SPOCK1: variants seen among roughly 807,000 people sequenced by gnomAD.
The protein encoded by SPOCK1 is SPARC (osteonectin), cwcv and kazal like domains proteoglycan 1.
Under a neutral mutation model 55.3 loss-of-function variants are expected in SPOCK1, and 23 were observed. The ratio of observed to expected loss-of-function variants is 0.42; its 90% CI spans 0.30 to 0.59. The LOEUF (loss-of-function observed/expected upper bound fraction) is 0.59, where lower values mean the gene tolerates loss of function less well. Ranked by LOEUF, SPOCK1 falls within the 20% of genes least tolerant of loss-of-function variation. The probability of loss-of-function intolerance (pLI) is 0.22; values close to 1 mark genes in which losing one functional copy is unlikely to be tolerated. For missense variants in SPOCK1, 499 were observed against 552.5 expected, an observed-to-expected ratio of 0.90 and a Z score of 0.97; for synonymous variants, 226 against 221.0, an observed-to-expected ratio of 1.02 and a Z score of -0.20.
intron 6 of SPOCK1, among the ~76,000 whole-genome samples, chr5:137,059,888 C>T (rs550743526): frequency 3.3e-5 from 5 of 152,176 alleles, no homozygotes; most frequent in African/African-American, 7.2e-5. Flanking sequence ...CATATCAAAA[C>T]GACAATGAAA....
chr5:137,027,543 GTGTGACCAAGGAATTGAGCTTT>G (rs543259770), intron 6 of SPOCK1, among the ~76,000 whole-genome samples: 69 of 152,308 alleles, frequency 4.5e-4, no homozygotes, highest in African/African-American at 1.6e-3. Flanking sequence ...AATGCGGCTA[GTGTGACCAAGGAATTGAGCTTT>G]TAGTTTTATT....
At chr5:137,225,181 A>G (rs1755921960) in intron 3 of SPOCK1, among the ~76,000 whole-genome samples, 1 of 152,006 alleles carries the variant, frequency 6.6e-6, no homozygotes, top group South Asian at 2.1e-4. Context: ...GCAGAGAATG[A>G]CAAGAATTAG....
chr5:137,025,785 A>T (rs1004646177), intron 6 of SPOCK1, among the ~76,000 whole-genome samples: 3 of 152,196 alleles, frequency 2.0e-5, no homozygotes, highest in African/African-American at 7.2e-5. Flanking sequence ...TACAGATGAG[A>T]TAGGTGAGAT....
At chr5:137,247,499 T>A (rs1028145661) in intron 3 of SPOCK1, among the ~76,000 whole-genome samples, 1 of 152,198 alleles carries the variant, frequency 6.6e-6, no homozygotes, top group African/African-American at 2.4e-5. Context: ...GTATCCATAA[T>A]CAACCATAGT....
chr5:137,200,192 G>C (rs1755399861), intron 3 of SPOCK1, among the ~76,000 whole-genome samples: 1 of 152,114 alleles, frequency 6.6e-6, no homozygotes, highest in Non-Finnish European at 1.5e-5. Context: ...CCCTCCACCA[G>C]ATGTCCCTGT....
intron 8 of SPOCK1, among the ~76,000 whole-genome samples, chr5:136,986,449 C>T (rs930305034): frequency 2.6e-5 from 4 of 152,032 alleles, no homozygotes; most frequent in Non-Finnish European, 5.9e-5. Flanking sequence ...ATTTACACTA[C>T]TAAAATTTTT....
At chr5:137,019,376 C>T (rs986300903) in intron 6 of SPOCK1, among the ~76,000 whole-genome samples, 2 of 152,092 alleles carry the variant, frequency 1.3e-5, no homozygotes, top group African/African-American at 4.8e-5. Flanking sequence ...TCATGTTATA[C>T]ATACAGTTTA....
Position 137,029,266 on chromosome 5 carries a change from A to T in SPOCK1, c.590-36666T>A, listed in dbSNP as rs1751733130. 3.9e-5 allele frequency among the ~76,000 whole-genome samples: 6 copies of T among 152,176 alleles called. 1 individual carries two copies. The highest frequency in any genetic ancestry group is 3.9e-4 in the Admixed American group (6 of 15,280). ...GAGACTGAGCCACTCTCAATGTAAAACTAAAATCAAGTTTCAGATCTGTAA... is the reference window on the plus strand; with the variant it reads ...GAGACTGAGCCACTCTCAATGTAAATCTAAAATCAAGTTTCAGATCTGTAA... On this transcript the variant is annotated intron_variant, in intron 6 of 10. Coordinates refer to ENST00000394945, the MANE Select transcript of SPOCK1 (RefSeq NM_004598.4).
chr5:137,313,553 C>T (rs1757823624), intron 2 of SPOCK1: 1 of 900,980 alleles, frequency 1.1e-6, no homozygotes, highest in African/African-American at 1.8e-5. Flanking sequence ...TCCAGCCTGC[C>T]TCCTACCTCC....
At chr5:136,995,446 G>A (rs1751022410) in intron 6 of SPOCK1, among the ~76,000 whole-genome samples, 2 of 152,144 alleles carry the variant, frequency 1.3e-5, no homozygotes, top group South Asian at 2.1e-4. Flanking sequence ...TCAGAACCTC[G>A]GGGCCCTAGG....
chr5:137,251,352 G>C (rs561198490), intron 3 of SPOCK1, among the ~76,000 whole-genome samples: 7 of 152,224 alleles, frequency 4.6e-5, no homozygotes, highest in African/African-American at 1.4e-4. Context: ...AATCATACTT[G>C]TCTTCCCATT....
At chr5:137,399,046 A>C (rs1392255059) in intron 2 of SPOCK1, among the ~76,000 whole-genome samples, 1 of 152,212 alleles carries the variant, frequency 6.6e-6, no homozygotes, top group Non-Finnish European at 1.5e-5. Flanking sequence ...AATGAAAGGC[A>C]AGGAGATAGT....
chr5:137,285,247 A>G (rs1757239633), intron 2 of SPOCK1, among the ~76,000 whole-genome samples: 2 of 152,184 alleles, frequency 1.3e-5, no homozygotes, highest in Admixed American at 1.3e-4. Flanking sequence ...TCTTCCACAC[A>G]ATGATTATAC....
At position 137,249,479 on chromosome 5, in the gene SPOCK1, A is replaced by G. The variant is rs1756464768; in HGVS notation, c.232+17531T>C. On this transcript the variant is annotated intron_variant, in intron 3 of 10. Transcript: ENST00000394945. ...ACTAAGATGTATTACATGAAAAGGC[A>G]AGTATGCAGTTAAAAATGAATATGC... Among the ~76,000 whole-genome samples the G allele has an allele frequency of 1.3e-5, 2 of 152,222 alleles. 1 individual carries two copies. Among genetic ancestry groups the G allele is most frequent in the African/African-American group, 4.8e-5 (2 of 41,470 alleles).
At chr5:137,447,142 A>G (rs1293564939) in intron 2 of SPOCK1, among the ~76,000 whole-genome samples, 3 of 152,240 alleles carry the variant, frequency 2.0e-5, no homozygotes, top group Non-Finnish European at 4.4e-5. Context: ...GATAATTCTT[A>G]TAAGTAGATT....
chr5:137,171,870 A>G (rs1754761046), intron 3 of SPOCK1, among the ~76,000 whole-genome samples: 1 of 152,162 alleles, frequency 6.6e-6, no homozygotes, highest in Non-Finnish European at 1.5e-5. Flanking sequence ...CATATGTTAT[A>G]TGTGTGCCTA....
chr5:137,290,822 G>A (rs1757357211), intron 2 of SPOCK1, among the ~76,000 whole-genome samples: 1 of 152,132 alleles, frequency 6.6e-6, no homozygotes, highest in Non-Finnish European at 1.5e-5. Context: ...GGAGAAGCGG[G>A]GCCCTTGTCT....
chr5:137,493,831 C>G (rs147133068), intron 2 of SPOCK1, among the ~76,000 whole-genome samples: 1 of 152,164 alleles, frequency 6.6e-6, no homozygotes, highest in Non-Finnish European at 1.5e-5. Context: ...ACTGACTGGG[C>G]CAGCCACTAT....
At chr5:137,133,818 T>G (rs1300450591) in intron 4 of SPOCK1, among the ~76,000 whole-genome samples, 3 of 152,204 alleles carry the variant, frequency 2.0e-5, no homozygotes, top group Non-Finnish European at 2.9e-5. Context: ...CTCAGAATTA[T>G]TGCTTTGGGC....
Sources: gnomAD v4.1 joint callset for allele counts (sites outside exome capture counted in the v4.1 genomes callset) on GRCh38, gnomAD v4.1.1 for gene constraint, MANE v1.5 for transcripts, NCBI Gene and HGNC (gene_info 2026-07-23, HGNC 2026-07-21) for gene names.